Variants in CELF2 observed in about 807,000 individuals in gnomAD.
CELF2 encodes the protein CUG triplet repeat RNA-binding protein 2.
Under a neutral mutation model 62.6 loss-of-function variants are expected in CELF2, and 8 were observed. That is an observed-to-expected ratio of 0.13 (90% CI 0.07 to 0.23). The LOEUF is 0.23. Ranked by LOEUF, CELF2 falls within the 10% of genes least tolerant of loss-of-function variation. The pLI is 1.00. For synonymous variants in CELF2, 258 were observed against 250.0 expected, an observed-to-expected ratio of 1.03 and a Z score of -0.30; for missense variants, 333 against 671.0, an observed-to-expected ratio of 0.50 and a Z score of 5.56.
Position 11,297,690 on chromosome 10 carries a change from G to T in CELF2, c.976+9138G>T, listed in dbSNP as rs962452590. Among the ~76,000 whole-genome samples the T allele has an allele frequency of 1.3e-5, 2 of 152,206 alleles. No homozygotes were observed. The highest frequency in any genetic ancestry group is 6.5e-5 in the Admixed American group (1 of 15,292). ...AATATTTTTAAAAATCTGTAATGGG[G>T]CCAGTCATGGCAGTTCACACCTGTA... On this transcript the variant is annotated intron_variant, in intron 9 of 12. Transcript: ENST00000633077. The surrounding 1 kb of genome is among the most constrained non-coding windows in gnomAD (Gnocchi z 4.4).
At chr10:10,879,614 A>G (rs2061326226) in intron 1 of CELF2, among the ~76,000 whole-genome samples, 2 of 152,246 alleles carry the variant, frequency 1.3e-5, no homozygotes, top group Non-Finnish European at 2.9e-5. Context: ...AAAATAGTCT[A>G]CAGGGCACCT....
intron 2 of CELF2, among the ~76,000 whole-genome samples, chr10:10,969,231 T>C (rs2050490116): frequency 6.6e-6 from 1 of 152,194 alleles, no homozygotes; most frequent in Non-Finnish European, 1.5e-5. Context: ...CACTCCAGCC[T>C]GGGCAACAGA....
At chr10:11,185,333 C>T (rs887689724) in intron 2 of CELF2, among the ~76,000 whole-genome samples, 13 of 152,116 alleles carry the variant, frequency 8.5e-5, no homozygotes, top group African/African-American at 3.1e-4. Context: ...CGTCACCACA[C>T]CCAGCTATAT....
At chr10:10,605,135 G>T in the CELF2 span, among the ~76,000 whole-genome samples, 8 of 152,186 alleles carry the variant, frequency 5.3e-5, no homozygotes, top group African/African-American at 1.7e-4. Context: ...CATGGATGAA[G>T]CTGGAAGGCG....
chr10:10,507,152 G>A, the CELF2 span, among the ~76,000 whole-genome samples: 1 of 152,102 alleles, frequency 6.6e-6, no homozygotes, highest in African/African-American at 2.4e-5. Context: ...ACGTTGACAT[G>A]AGCCCTTCCT....
At chr10:10,746,547 G>T in the CELF2 span, among the ~76,000 whole-genome samples, 2 of 152,192 alleles carry the variant, frequency 1.3e-5, no homozygotes, top group Admixed American at 6.5e-5. Context: ...AGGAGGCCAA[G>T]CCTGAAAATT....
chr10:10,545,884 G>C, the CELF2 span, among the ~76,000 whole-genome samples: 9 of 152,108 alleles, frequency 5.9e-5, no homozygotes, highest in Non-Finnish European at 1.2e-4. Context: ...TTTAAATAAA[G>C]AGCATATCAA....
In CELF2 at chr10:11,314,199, G is replaced by C; in HGVS notation, c.1037G>C (p.Gly346Ala). The C allele has an allele frequency of 6.2e-7, 1 of 1,613,950 alleles. No individual in the cohort carries two copies. The highest frequency in any genetic ancestry group is 8.5e-7 in the Non-Finnish European group (1 of 1,179,886). The stretch of plus-strand genomic sequence containing the variant: ...GCCATGAACTCCTTGACCTCTCTCG[G>C]GACTCTGCAAGGACTGGCTGGAGCC... ...GAAMNSLTSL[G>A]TLQGLAGATV... The change falls in exon 10 of 13, where the codon GGG (glycine) becomes GCG (alanine). Residue 346 changes from glycine (G) to alanine (A), a missense_variant. Around this residue, in one of 3 missense-constraint regions of CELF2, gnomAD observed 253 missense variants for 503.0 expected, o/e 0.50. Transcript: ENST00000633077. The surrounding 1 kb of genome is among the most constrained non-coding windows in gnomAD (Gnocchi z 5.3).
At chr10:11,047,289 A>T (rs2063037356) in intron 1 of CELF2, among the ~76,000 whole-genome samples, 1 of 152,154 alleles carries the variant, frequency 6.6e-6, no homozygotes, top group Non-Finnish European at 1.5e-5. Flanking sequence ...TTCAGTTTTG[A>T]GATGAGTGTT....
chr10:11,058,461 GTTTTT>G (rs67113152), intron 1 of CELF2, among the ~76,000 whole-genome samples: 1 of 116,804 alleles, frequency 8.6e-6, no homozygotes, highest in Non-Finnish European at 1.7e-5. Flanking sequence ...TTTTTTGTTG[GTTTTT>G]TTTTTTTTTT....
At chr10:10,515,136 G>T in the CELF2 span, among the ~76,000 whole-genome samples, 3 of 152,200 alleles carry the variant, frequency 2.0e-5, no homozygotes, top group Non-Finnish European at 4.4e-5. Context: ...GGGACAGAGG[G>T]TCCTGAGCAG....
At chr10:10,503,828 G>A in the CELF2 span, among the ~76,000 whole-genome samples, 3 of 150,882 alleles carry the variant, frequency 2.0e-5, no homozygotes, top group African/African-American at 7.3e-5. Flanking sequence ...TTTTCTTCTT[G>A]TGGATTACTT....
chr10:10,839,848 A>C (rs2058561773), intron 1 of CELF2, among the ~76,000 whole-genome samples: 1 of 152,156 alleles, frequency 6.6e-6, no homozygotes, highest in Admixed American at 6.5e-5. Context: ...CTGCCCTAAA[A>C]ATTCCTCTGT....
At chr10:10,770,164 A>G in the CELF2 span, among the ~76,000 whole-genome samples, 1 of 152,164 alleles carries the variant, frequency 6.6e-6, no homozygotes. Flanking sequence ...CATTGAGGAT[A>G]CAAGAAGAGG....
upstream of CELF2, among the ~76,000 whole-genome samples, chr10:10,793,880 TAA>T (rs1327269623): frequency 1.3e-5 from 2 of 152,188 alleles, no homozygotes; most frequent in African/African-American, 4.8e-5. Flanking sequence ...AATTTTTATT[TAA>T]AAGTCCATTT....
At chr10:10,575,730 T>C in the CELF2 span, among the ~76,000 whole-genome samples, 1 of 152,134 alleles carries the variant, frequency 6.6e-6, no homozygotes, top group Non-Finnish European at 1.5e-5. Context: ...GCAGAATAGA[T>C]GATAAAAGCT....
At chr10:10,863,560 G>A (rs1296437302) in intron 1 of CELF2, among the ~76,000 whole-genome samples, 1 of 152,080 alleles carries the variant, frequency 6.6e-6, no homozygotes, top group African/African-American at 2.4e-5. Context: ...ATAATTCATG[G>A]AAACACTTTT....
intron 1 of CELF2, among the ~76,000 whole-genome samples, chr10:10,830,156 C>T (rs1027162427): frequency 6.6e-6 from 1 of 151,968 alleles, no homozygotes. Context: ...TTTGAAAATG[C>T]CTGGCTGATG....
intron 1 of CELF2, chr10:11,092,409 A>G (rs963049673): frequency 6.6e-6 from 1 of 152,210 alleles, no homozygotes; most frequent in African/African-American, 2.4e-5. Flanking sequence ...TAGGGGAGAA[A>G]ACATTTTCAC....
Sources: allele counts gnomAD v4.1 joint callset (sites outside exome capture counted in the v4.1 genomes callset), GRCh38; gene constraint gnomAD v4.1.1; regional missense constraint gnomAD v4.1.1; non-coding constraint Gnocchi (gnomAD v3.1); transcripts MANE v1.5; gene names NCBI Gene and HGNC (gene_info 2026-07-23, HGNC 2026-07-21).